The following FAAH2 variants were observed in gnomAD, a reference collection of about 807,000 sequenced individuals.
The protein encoded by FAAH2 is fatty-acid amide hydrolase 2.
Under a neutral mutation model 36.9 loss-of-function variants are expected in FAAH2, and 60 were observed. The ratio of observed to expected loss-of-function variants is 1.63; its 90% CI spans 1.32 to 2.02. FAAH2 has a LOEUF of 2.02. Among genes scored for constraint, FAAH2 ranks in the 30% most tolerant of loss-of-function variants. FAAH2 has a pLI of 0.00. For missense variants in FAAH2, 689 were observed against 397.5 expected (o/e 1.73, Z -6.23); for synonymous variants, 214 against 143.8 (o/e 1.49, Z -3.49).
At chrX:57,457,697 C>CCA (rs1246587170) in intron 10 of FAAH2, among the ~76,000 whole-genome samples, 1 of 18,998 alleles carries the variant, frequency 5.3e-5, no homozygotes. Context: ...TTTACAATAG[C>CCA]CACAAAAAAA....
chrX:57,250,883 T>C, the FAAH2 span, among the ~76,000 whole-genome samples: 4 of 111,345 alleles, frequency 3.6e-5, no homozygotes, highest in Non-Finnish European at 7.5e-5. Flanking sequence ...TCCCAACAAA[T>C]AGAATCCCAG....
intron 7 of FAAH2, among the ~76,000 whole-genome samples, chrX:57,415,165 G>A (rs1437757368): frequency 7.4e-5 from 8 of 107,547 alleles, no homozygotes; most frequent in Admixed American, 6.0e-4. Context: ...TTGTAGATCT[G>A]TACAAAAAAA....
intron 2 of FAAH2, among the ~76,000 whole-genome samples, chrX:57,294,170 T>A (rs1348778216): frequency 8.9e-6 from 1 of 112,220 alleles, no homozygotes; most frequent in Non-Finnish European, 1.9e-5. Flanking sequence ...TTTATTGTTA[T>A]GGTTGTTATT....
At chrX:57,188,121 G>C in the FAAH2 span, among the ~76,000 whole-genome samples, 1 of 111,702 alleles carries the variant, frequency 9.0e-6, no homozygotes, top group Non-Finnish European at 1.9e-5. Flanking sequence ...GCTTGGAATA[G>C]TTTCAGAAGA....
At chrX:57,196,080 T>C in the FAAH2 span, among the ~76,000 whole-genome samples, 1 of 112,010 alleles carries the variant, frequency 8.9e-6, no homozygotes, top group South Asian at 3.7e-4. Flanking sequence ...TTAGGCTATG[T>C]GGGCTCCTTT....
rs192528539 is a variant in FAAH2 at position 57,436,032 on chromosome X, C to T, written c.1116+3995C>T. ...ATATCAAGAATCTTCTCAGACCACG[C>T]TTGAATAAAACTGAATATCACTACT... is the stretch of plus-strand genomic sequence containing the variant. On this transcript the variant is annotated intron_variant, in intron 8 of 10. Transcript: ENST00000374900. 2.6e-3 allele frequency among the ~76,000 whole-genome samples: 284 copies of T among 110,974 alleles called. 1 individual carries two copies. Among genetic ancestry groups the T allele is most frequent in the Non-Finnish European group, 4.5e-3 (238 of 52,816 alleles).
At chrX:57,254,226 A>G in the FAAH2 span, among the ~76,000 whole-genome samples, 1 of 112,060 alleles carries the variant, frequency 8.9e-6, no homozygotes, top group African/African-American at 3.2e-5. Context: ...AGAGCTAACT[A>G]TGCTAAATAT....
chrX:57,273,894 A>G, the FAAH2 span, among the ~76,000 whole-genome samples: 2 of 111,668 alleles, frequency 1.8e-5, no homozygotes, highest in African/African-American at 6.5e-5. Context: ...AGCAGAAGAC[A>G]TGAAATAACT....
At position 57,488,903 on chromosome X, in the gene FAAH2, G is replaced by T; in HGVS notation, c.1570G>T (p.Gly524Trp). The change falls in exon 11 of 11, where the codon GGG (glycine) becomes TGG (tryptophan). Residue 524 changes from glycine (G) to tryptophan (W), a missense_variant. By Grantham distance (184) the Gly-to-Trp change is radical. Coordinates refer to ENST00000374900, the MANE Select transcript of FAAH2 (RefSeq NM_174912.4). ...AVAQYLEKTF[G>W]GWVCPGKF Reference sequence around the variant, plus strand: ...GGCCCAGTACTTGGAGAAAACTTTTGGGGGCTGGGTCTGTCCAGGAAAGTT... The same window carrying T: ...GGCCCAGTACTTGGAGAAAACTTTTTGGGGCTGGGTCTGTCCAGGAAAGTT... 1 of 1,210,549 alleles carries T rather than the reference G, an allele frequency of 8.3e-7. No individual in the cohort carries two copies. The highest frequency in any genetic ancestry group is 1.1e-6 in the Non-Finnish European group (1 of 895,157).
the FAAH2 span, among the ~76,000 whole-genome samples, chrX:57,195,778 A>C: frequency 1.2e-3 from 139 of 112,317 alleles, 1 homozygote; most frequent in East Asian, 0.035. Context: ...TTGACATTTT[A>C]TAAAATCAGA....
chrX:57,246,201 A>G, the FAAH2 span, among the ~76,000 whole-genome samples: 3 of 112,211 alleles, frequency 2.7e-5, no homozygotes, highest in East Asian at 8.4e-4. Context: ...TGAAAAGACC[A>G]ATAACAAGTT....
intron 7 of FAAH2, chrX:57,393,539 G>T (rs2055218315): frequency 4.1e-6 from 4 of 964,270 alleles, no homozygotes; most frequent in Admixed American, 4.4e-5. Flanking sequence ...AAATGGGCCT[G>T]CATGGACAAA....
intron 7 of FAAH2, among the ~76,000 whole-genome samples, chrX:57,426,224 T>G (rs2056159091): frequency 8.9e-6 from 1 of 111,872 alleles, no homozygotes; most frequent in African/African-American, 3.2e-5. Flanking sequence ...AACAAGAAGA[T>G]GTAATAAATC....
At chrX:57,205,680 G>A in the FAAH2 span, among the ~76,000 whole-genome samples, 3 of 112,268 alleles carry the variant, frequency 2.7e-5, no homozygotes, top group Non-Finnish European at 5.6e-5. Flanking sequence ...AGACCCATCT[G>A]TAAAAACATT....
Position 57,448,624 on chromosome X carries a change from A to G in FAAH2, c.1329A>G (p.Leu443=). ...ESLRKELVDM[L]GDDGVFLYPS... ...TGCGTAAAGAGCTGGTGGATATGCT[A>G]GGTGATGATGGTGTGTTCTTATATC... Residue 443 remains leucine (L), a synonymous_variant, in exon 10 of 11, where the codon CTA becomes CTG. Transcript: ENST00000374900. 1 of 1,211,681 alleles carries G rather than the reference A, an allele frequency of 8.3e-7. No individual in the cohort carries two copies. Among genetic ancestry groups the G allele is most frequent in the Non-Finnish European group, 1.1e-6 (1 of 895,312 alleles).
chrX:57,358,004 C>G (rs751528294), intron 5 of FAAH2, among the ~76,000 whole-genome samples: 2 of 110,725 alleles, frequency 1.8e-5, no homozygotes, highest in South Asian at 7.7e-4. Flanking sequence ...ACTATGCAGC[C>G]ATAAAAAAAG....
chrX:57,452,756 C>T (rs2056807698), intron 10 of FAAH2, among the ~76,000 whole-genome samples: 1 of 112,268 alleles, frequency 8.9e-6, no homozygotes, highest in African/African-American at 3.2e-5. Flanking sequence ...GGAAAAATTA[C>T]TGGAAACAAC....
intron 7 of FAAH2, among the ~76,000 whole-genome samples, chrX:57,421,500 G>A (rs1353213525): frequency 9.0e-6 from 1 of 111,514 alleles, no homozygotes; most frequent in Non-Finnish European, 1.9e-5. Context: ...AGTATGGTCA[G>A]GTTTTGGTGA....
intron 7 of FAAH2, among the ~76,000 whole-genome samples, chrX:57,401,026 G>A (rs2055421173): frequency 9.0e-6 from 1 of 111,585 alleles, no homozygotes; most frequent in Non-Finnish European, 1.9e-5. Flanking sequence ...GGGAGGCTGA[G>A]GCAGAAGAAT....
Sources: allele counts gnomAD v4.1 joint callset (sites outside exome capture counted in the v4.1 genomes callset), GRCh38; gene constraint gnomAD v4.1.1; transcripts MANE v1.5; gene names NCBI Gene and HGNC (gene_info 2026-07-23, HGNC 2026-07-21).